FGF13: variants seen among roughly 807,000 people sequenced by gnomAD.
FGF13 encodes fibroblast growth factor homologous factor 2.
A neutral mutation model predicts 19.5 loss-of-function variants in FGF13; 2 were observed. That is an observed-to-expected ratio of 0.10 (90% confidence interval 0.04 to 0.32). The LOEUF is 0.32. Among genes scored for constraint, FGF13 ranks in the 10% least tolerant of loss-of-function variants. The pLI is 1.00. For synonymous variants in FGF13, 72 were observed against 76.9 expected (o/e 0.94, Z 0.33); for missense variants, 113 against 192.7 (o/e 0.59, Z 2.45).
intron 1 of FGF13, among the ~76,000 whole-genome samples, chrX:139,020,020 A>T (rs1248474384): frequency 1.8e-5 from 2 of 110,880 alleles, no homozygotes; most frequent in African/African-American, 6.5e-5. Context: ...AACCTGTCAA[A>T]CTAGCTGCCC....
chrX:139,086,284 A>G (rs1305326487), intron 1 of FGF13, among the ~76,000 whole-genome samples: 1 of 111,445 alleles, frequency 9.0e-6, no homozygotes, highest in Non-Finnish European at 1.9e-5. Context: ...GCAGGCACCT[A>G]CCTACTGCCC....
chrX:138,921,636 T>A (rs1331174378), intron 1 of FGF13, among the ~76,000 whole-genome samples: 1 of 111,280 alleles, frequency 9.0e-6, no homozygotes, highest in Non-Finnish European at 1.9e-5. Context: ...TGCCTCAGCC[T>A]AAGAAACATA....
chrX:139,148,474 G>T (rs1211196526), intron 1 of FGF13, among the ~76,000 whole-genome samples: 1 of 110,266 alleles, frequency 9.1e-6, no homozygotes, highest in East Asian at 2.9e-4. Context: ...ATAAAGGCCA[G>T]CTTTTTAAAA....
chrX:139,101,558 C>A (rs1297576205), intron 1 of FGF13, among the ~76,000 whole-genome samples: 3 of 112,051 alleles, frequency 2.7e-5, no homozygotes, highest in Non-Finnish European at 5.6e-5. Flanking sequence ...AAAGAACTAT[C>A]ATACTTGGAA....
chrX:138,659,245 C>T lies in FGF13; in HGVS notation c.403-23590G>A, dbSNP rs1486540558. On this transcript the variant is annotated intron_variant, in intron 3 of 4. Transcript: ENST00000315930. ...AGCTACTCAAGAGGCTGAAGCAGGG[C>T]GATCAGTTGAGCCCAGGAGCTGGAG... 2.7e-5 allele frequency among the ~76,000 whole-genome samples: 3 copies of T among 112,042 alleles called. No individual in the cohort carries two copies. In the South Asian group the frequency reaches 1.1e-3, roughly 42 times the overall value.
intron 1 of FGF13, among the ~76,000 whole-genome samples, chrX:139,070,452 G>C (rs1329737300): frequency 8.9e-6 from 1 of 112,244 alleles, no homozygotes; most frequent in Non-Finnish European, 1.9e-5. Context: ...CAGTTAGAAT[G>C]GCGATCATTA....
chrX:138,742,489 G>GCTCT (rs10605205), upstream of FGF13, among the ~76,000 whole-genome samples: 15 of 103,795 alleles, frequency 1.4e-4, no homozygotes, highest in South Asian at 8.8e-4. Context: ...TCAGCAAGGG[G>GCTCT]CTCTCTCTCT....
intron 1 of FGF13, among the ~76,000 whole-genome samples, chrX:139,148,475 CT>C (rs758009055): frequency 9.1e-6 from 1 of 109,833 alleles, no homozygotes; most frequent in South Asian, 4.0e-4. Context: ...TAAAGGCCAG[CT>C]TTTTAAAATG....
intron 3 of FGF13, among the ~76,000 whole-genome samples, chrX:138,744,402 A>C (rs2090341086): frequency 8.9e-6 from 1 of 112,002 alleles, no homozygotes; most frequent in South Asian, 3.7e-4. Flanking sequence ...ACAATCATGC[A>C]AAAACAGGTG....
At chrX:139,197,391 G>A (rs897412652) in intron 1 of FGF13, among the ~76,000 whole-genome samples, 1 of 112,453 alleles carries the variant, frequency 8.9e-6, no homozygotes, top group Non-Finnish European at 1.9e-5. Flanking sequence ...TAATTTAGAG[G>A]CTACTATTAT....
chrX:138,893,591 GC>G (rs2091488325), intron 1 of FGF13, among the ~76,000 whole-genome samples: 1 of 110,803 alleles, frequency 9.0e-6, no homozygotes, highest in South Asian at 3.9e-4. Flanking sequence ...AAGGAGTTGA[GC>G]TTTTTGTCCG....
rs762446986 is a variant in FGF13, at chrX:138,626,573, G to A, written c.*6277C>T. On this transcript the variant is annotated 3_prime_UTR_variant, in exon 5 of 5. Transcript: ENST00000315930. ...GCATGTCTATCTACCACTTTACACT[G>A]AGAGTTTGTAGAAAGATCATGCAAA... is the stretch of plus-strand genomic sequence containing the variant. 2.7e-5 allele frequency: 3 copies of A among 111,894 alleles called. No homozygotes were observed. Among genetic ancestry groups the A allele is most frequent in the African/African-American group, 9.7e-5 (3 of 30,782 alleles). The allele number at this position is 111,894 out of a possible 1,213,427, so 9.2% of individuals were successfully genotyped here. A position where few individuals can be genotyped will look rare whatever the true frequency, so the allele number is the denominator to read the frequency against.
intron 1 of FGF13, among the ~76,000 whole-genome samples, chrX:138,737,173 G>A (rs772044246): frequency 9.0e-6 from 1 of 111,508 alleles, no homozygotes; most frequent in South Asian, 3.8e-4. Flanking sequence ...TAGGATGGAT[G>A]TTCTTGCCTT....
At chrX:138,694,600 G>A (rs1209180417) in intron 3 of FGF13, among the ~76,000 whole-genome samples, 2 of 106,286 alleles carry the variant, frequency 1.9e-5, no homozygotes, top group South Asian at 4.3e-4. Context: ...ACAGGCGCCT[G>A]CCACCAAGCC....
intron 1 of FGF13, among the ~76,000 whole-genome samples, chrX:139,013,302 A>C (rs1207492099): frequency 1.8e-5 from 2 of 108,257 alleles, no homozygotes; most frequent in African/African-American, 6.7e-5. Context: ...TAAAGAACTA[A>C]AAGTAGATCT....
upstream of FGF13, among the ~76,000 whole-genome samples, chrX:138,741,216 G>A (rs922427227): frequency 2.7e-5 from 3 of 111,844 alleles, no homozygotes; most frequent in Admixed American, 1.9e-4. Context: ...ACAAAATTAA[G>A]TCATCTTAAT....
At chrX:138,975,531 T>TAA (rs780493273) in intron 1 of FGF13, among the ~76,000 whole-genome samples, 1 of 98,433 alleles carries the variant, frequency 1.0e-5, no homozygotes, top group African/African-American at 3.7e-5. Context: ...TAAAGTATAA[T>TAA]AAAAAAAAAA....
chrX:139,150,514 G>A (rs1436925907), intron 1 of FGF13, among the ~76,000 whole-genome samples: 1 of 111,827 alleles, frequency 8.9e-6, no homozygotes, highest in East Asian at 2.8e-4. Flanking sequence ...TTTGTTTGGA[G>A]GTGGTGGCTT....
At chrX:138,884,372 G>T (rs1314138551) in intron 1 of FGF13, among the ~76,000 whole-genome samples, 1 of 112,041 alleles carries the variant, frequency 8.9e-6, no homozygotes, top group Non-Finnish European at 1.9e-5. Context: ...CCATGCAAGG[G>T]AGAGGGCCTC....
Sources: gnomAD v4.1 joint callset for allele counts (sites outside exome capture counted in the v4.1 genomes callset) on GRCh38, gnomAD v4.1.1 for gene constraint, MANE v1.5 for transcripts, NCBI Gene and HGNC (gene_info 2026-07-23, HGNC 2026-07-21) for gene names.